STK10: variants seen among roughly 807,000 people sequenced by gnomAD.
STK10 encodes the protein serine/threonine kinase 10.
A neutral mutation model predicts 113.8 loss-of-function variants in STK10; 78 were observed. That is an observed-to-expected ratio of 0.69 (90% CI 0.57 to 0.83). STK10 has a LOEUF of 0.83. Ranked by LOEUF, STK10 falls within the 40% of genes least tolerant of loss-of-function variation. The pLI is 0.00. For synonymous variants in STK10, 465 were observed against 494.7 expected, an observed-to-expected ratio of 0.94 and a Z score of 0.80; for missense variants, 1,109 against 1,280.1, an observed-to-expected ratio of 0.87 and a Z score of 2.04.
At chr5:172,141,374 C>T (rs1326207904) in intron 2 of STK10, among the ~76,000 whole-genome samples, 1 of 151,772 alleles carries the variant, frequency 6.6e-6, no homozygotes, top group Non-Finnish European at 1.5e-5. Context: ...CTCAGGAGTT[C>T]GAGACCAGCC....
intron 7 of STK10, among the ~76,000 whole-genome samples, chr5:172,101,876 G>A (rs1581156552): frequency 6.6e-6 from 1 of 152,144 alleles, no homozygotes; most frequent in Non-Finnish European, 1.5e-5. Flanking sequence ...GCAGGAACAT[G>A]CCGTGTTCAG....
chr5:172,150,741 C>G (rs1292453575), intron 2 of STK10, among the ~76,000 whole-genome samples: 1 of 152,194 alleles, frequency 6.6e-6, no homozygotes, highest in Non-Finnish European at 1.5e-5. Context: ...CACATGTGGA[C>G]AGCAGGCTCA....
At chr5:172,156,408 G>A (rs934832567) in intron 2 of STK10, among the ~76,000 whole-genome samples, 3 of 152,220 alleles carry the variant, frequency 2.0e-5, no homozygotes, top group African/African-American at 7.2e-5. Context: ...AGGCCATAGC[G>A]CTTTCTGTTC....
chr5:172,121,077 G>A (rs1024900604), intron 3 of STK10, among the ~76,000 whole-genome samples: 14 of 149,776 alleles, frequency 9.3e-5, no homozygotes, highest in Non-Finnish European at 1.9e-4. Context: ...TGCCCAGGCT[G>A]GAGTGCAATG....
chr5:172,180,979 CA>C (rs1770845141), intron 1 of STK10, among the ~76,000 whole-genome samples: 1 of 152,198 alleles, frequency 6.6e-6, no homozygotes. Context: ...CATATAGAAA[CA>C]GCAAGTGAAC....
rs1006764133 is a variant in STK10, at chr5:172,172,644, C to A, written c.156+15243G>T. Among the ~76,000 whole-genome samples the A allele has an allele frequency of 3.3e-5, 5 of 152,230 alleles. No individual in the cohort carries two copies. In the South Asian group the frequency reaches 1.0e-3, roughly 31 times the overall value. Reference sequence around the variant, plus strand: ...CAGGGTTACACAGCAATGCCAACTGCTGAGCTGCGACTTGTAAGATGAACA... The same window carrying A: ...CAGGGTTACACAGCAATGCCAACTGATGAGCTGCGACTTGTAAGATGAACA... On this transcript the variant is annotated intron_variant, in intron 1 of 18. Transcript: ENST00000176763.
intron 1 of STK10, among the ~76,000 whole-genome samples, chr5:172,160,649 A>G (rs780994459): frequency 1.3e-5 from 2 of 152,144 alleles, no homozygotes; most frequent in Admixed American, 6.6e-5. Context: ...CTTGCCTTCC[A>G]TAACAACTCT....
chr5:172,165,473 C>T (rs975845726), intron 1 of STK10, among the ~76,000 whole-genome samples: 52 of 152,224 alleles, frequency 3.4e-4, no homozygotes, highest in Admixed American at 1.2e-3. Flanking sequence ...CTGGGAGCCA[C>T]TGGAGCTGCT....
At chr5:172,172,888 G>C (rs1038254094) in intron 1 of STK10, among the ~76,000 whole-genome samples, 1 of 152,110 alleles carries the variant, frequency 6.6e-6, no homozygotes, top group African/African-American at 2.4e-5. Flanking sequence ...CCTGAGGCAG[G>C]AGAATCGCTT....
rs995877993 is a variant in STK10, at chr5:172,133,513, C to T, written c.322-6092G>A. ...AGTCAGGAAAATTTTCTGCCTCGTG[C>T]CCTGACTCAGGGCTGGTGTCATCAG... On this transcript the variant is annotated intron_variant, in intron 2 of 18. Transcript: ENST00000176763. This position sits in a 1 kb window ranked among gnomAD's most constrained non-coding sequence, Gnocchi z 4.9. 6.6e-6 allele frequency among the ~76,000 whole-genome samples: 1 copy of T among 152,140 alleles called. No individual in the cohort carries two copies. Among genetic ancestry groups the T allele is most frequent in the African/African-American group, 2.4e-5 (1 of 41,428 alleles).
intron 2 of STK10, among the ~76,000 whole-genome samples, chr5:172,143,906 G>A (rs1041858350): frequency 6.6e-6 from 1 of 152,128 alleles, no homozygotes; most frequent in East Asian, 1.9e-4. Context: ...CCAGAAATCA[G>A]GGGCAGAACA....
intron 12 of STK10, among the ~76,000 whole-genome samples, chr5:172,078,496 A>AT (rs1304215025): frequency 2.0e-5 from 3 of 151,586 alleles, no homozygotes; most frequent in Non-Finnish European, 2.9e-5. Flanking sequence ...TCCTACAAAA[A>AT]TTTTTTTAAA....
At chr5:172,132,084 T>C (rs937382120) in intron 2 of STK10, among the ~76,000 whole-genome samples, 2 of 152,226 alleles carry the variant, frequency 1.3e-5, no homozygotes, top group Non-Finnish European at 2.9e-5. Context: ...AAATTTCTAT[T>C]GTTTACAAAT....
At chr5:172,174,683 G>T (rs1770722266) in intron 1 of STK10, among the ~76,000 whole-genome samples, 1 of 152,198 alleles carries the variant, frequency 6.6e-6, no homozygotes, top group Non-Finnish European at 1.5e-5. Flanking sequence ...GGGAGCGGTG[G>T]TCGGGACAGG....
At chr5:172,136,448 T>G (rs1769861401) in intron 2 of STK10, among the ~76,000 whole-genome samples, 1 of 151,996 alleles carries the variant, frequency 6.6e-6, no homozygotes, top group South Asian at 2.1e-4. Context: ...ATACAAAAAC[T>G]TAGCCAGGTG....
rs779604903 is a variant in STK10, at chr5:172,187,946, T to C, written c.97A>G (p.Asn33Asp). Reference sequence around the variant, plus strand: ...TCGCCCACGATCTCCCACACCTCGTTGGGGTCCAGGTCGCGGCGGACGTGC... The same window carrying C: ...TCGCCCACGATCTCCCACACCTCGTCGGGGTCCAGGTCGCGGCGGACGTGC... Reference protein sequence around the residue: ...YEHVRRDLDPNEVWEIVGELG... With the variant: ...YEHVRRDLDPDEVWEIVGELG... Residue 33 changes from asparagine (N) to aspartate (D), a missense_variant, in exon 1 of 19, where the codon AAC becomes GAC. Asn to Asp is a conservative substitution (Grantham distance 23, BLOSUM62 1). Coordinates refer to ENST00000176763, the MANE Select transcript of STK10 (RefSeq NM_005990.4). This position sits in a 1 kb window ranked among gnomAD's most constrained non-coding sequence, Gnocchi z 4.6. The C allele has an allele frequency of 1.9e-6, 3 of 1,613,552 alleles. No homozygotes were observed. Among genetic ancestry groups the C allele is most frequent in the Non-Finnish European group, 2.5e-6 (3 of 1,179,790 alleles).
rs114490003 is a variant in STK10, at chr5:172,115,910, C to G, written c.520+1571G>C. Among the ~76,000 whole-genome samples, 464 of 152,326 alleles carry G rather than the reference C, an allele frequency of 3.0e-3. 1 individual carries two copies. The highest frequency in any genetic ancestry group is 0.01 in the African/African-American group (430 of 41,572). On this transcript the variant is annotated intron_variant, in intron 4 of 18. Transcript: ENST00000176763. ...GGTGAAGGCAGCAGTGAGAGATGGG[C>G]AGTTGGCTTCCTGACTGGTCCACCT...
Position 172,043,094 on chromosome 5 carries a change from T to C in STK10, c.*1788A>G, listed in dbSNP as rs1489776589. ...TTAGAGACCCTGTCTCAAAGAATTT[T>C]TTTTTTTTTTTTTTTTGAGAGACAG... On this transcript the variant is annotated 3_prime_UTR_variant, in exon 19 of 19. Transcript: ENST00000176763. 3 of 151,058 alleles carry C rather than the reference T, an allele frequency of 2.0e-5. No individual in the cohort carries two copies. The East Asian group carries it at 5.8e-4, about 29-fold the overall frequency. The allele number at this position is 151,058 out of a possible 1,614,324, so 9.4% of individuals were successfully genotyped here.
At position 172,055,622 on chromosome 5, in the gene STK10, C is replaced by A. The variant is rs1424376967; in HGVS notation, c.2492G>T (p.Gly831Val). 2 of 1,554,282 alleles carry A rather than the reference C, an allele frequency of 1.3e-6. No homozygotes were observed. Among genetic ancestry groups the A allele is most frequent in the African/African-American group, 1.4e-5 (1 of 72,754 alleles). The change falls in exon 16 of 19, where the codon GGC becomes GTC. Residue 831 changes from glycine to valine, a missense_variant. Coordinates refer to ENST00000176763, the MANE Select transcript of STK10 (RefSeq NM_005990.4). ...CTTCTCACGCTGCTCAGCTGCGCTG[C>A]CCCCGCCGTTGATGTGGAGGCTCTT... is the stretch of plus-strand genomic sequence containing the variant. ...YKKSLHINGGGSAAEQREKIK... is the reference protein window; with the variant it reads ...YKKSLHINGGVSAAEQREKIK...
Sources: gnomAD v4.1 joint callset for allele counts (sites outside exome capture counted in the v4.1 genomes callset) on GRCh38, gnomAD v4.1.1 for gene constraint, Gnocchi (gnomAD v3.1) non-coding constraint, MANE v1.5 for transcripts, NCBI Gene and HGNC (gene_info 2026-07-23, HGNC 2026-07-21) for gene names.